EDA: variants seen among roughly 807,000 people sequenced by gnomAD.
EDA encodes ectodysplasin A, also known as ectodysplasin-A.
A neutral mutation model predicts 23.6 loss-of-function variants in EDA; 2 were observed. That is an observed-to-expected ratio of 0.08 (90% CI 0.03 to 0.27). The LOEUF (loss-of-function observed/expected upper bound fraction) is 0.27. EDA is among the 10% of genes least tolerant of loss of function. The probability of loss-of-function intolerance (pLI) is 1.00; values close to 1 mark genes in which losing one functional copy is unlikely to be tolerated. For missense variants in EDA, 229 were observed against 324.2 expected (o/e 0.71, Z 2.26); for synonymous variants, 131 against 132.0 (o/e 0.99, Z 0.05).
chrX:70,027,778 G>A (rs1218474572), intron 3 of EDA, 79 bp from the exon 4 acceptor site: 34 of 515,512 alleles, frequency 6.6e-5, no homozygotes, highest in Non-Finnish European at 1.1e-4. Context: ...AGCCGAGATC[G>A]TGCCACTGAA....
intron 2 of EDA, among the ~76,000 whole-genome samples, chrX:70,005,167 A>G (rs1169086828): frequency 8.9e-6 from 1 of 112,158 alleles, no homozygotes; most frequent in Non-Finnish European, 1.9e-5. Context: ...TTAAATTAAA[A>G]TTTATGAATA....
chrX:69,699,848 T>C (rs944503149), intron 1 of EDA, among the ~76,000 whole-genome samples: 2 of 110,501 alleles, frequency 1.8e-5, no homozygotes, highest in African/African-American at 3.3e-5. Context: ...TTTAGCAGGG[T>C]TTAAAGGCTC....
intron 1 of EDA, among the ~76,000 whole-genome samples, chrX:69,788,573 T>C (rs5936750): frequency 0.38 from 41,771 of 110,592 alleles, 7,095 homozygotes; most frequent in Middle Eastern, 0.64. Flanking sequence ...AGTCTGCCCC[T>C]GCTGGGGGGT....
At chrX:69,792,072 G>A (rs2015420917) in intron 1 of EDA, among the ~76,000 whole-genome samples, 2 of 111,725 alleles carry the variant, frequency 1.8e-5, no homozygotes, top group African/African-American at 3.3e-5. Flanking sequence ...TGAGCAGTGT[G>A]TAGTGTAACC....
intron 1 of EDA, among the ~76,000 whole-genome samples, chrX:69,638,079 T>C (rs188974080): frequency 5.3e-4 from 59 of 111,716 alleles, no homozygotes; most frequent in Non-Finnish European, 1.0e-3. Context: ...ACTTAAAAAA[T>C]GTTTCCATTG....
intron 1 of EDA, among the ~76,000 whole-genome samples, chrX:69,679,768 C>G (rs571866735): frequency 9.0e-6 from 1 of 110,900 alleles, no homozygotes; most frequent in African/African-American, 3.3e-5. Flanking sequence ...TTTCAAAAAC[C>G]CAGCTCCTGG....
chrX:69,740,232 A>G (rs1602354001), intron 1 of EDA, among the ~76,000 whole-genome samples: 2 of 111,291 alleles, frequency 1.8e-5, no homozygotes, highest in East Asian at 5.6e-4. Context: ...TTTACAAAAC[A>G]CTCTGTGTTT....
At chrX:70,027,185 T>C (rs1737358749) in intron 3 of EDA, among the ~76,000 whole-genome samples, 1 of 112,052 alleles carries the variant, frequency 8.9e-6, no homozygotes. Flanking sequence ...AGCTGAAATG[T>C]AACCTCCTTT....
rs542188068 is a variant in EDA, at chrX:69,789,385, A to C, written c.397-167642A>C. On this transcript the variant is annotated intron_variant, in intron 1 of 7. Transcript: ENST00000374552. ...GGTTTTGTTTCTTAGCAGAACCAGA[A>C]GTAGTAGCAGAATAACCTAACAAAA... 6.8e-4 allele frequency among the ~76,000 whole-genome samples: 77 copies of C among 112,664 alleles called. No individual in the cohort carries two copies. In the South Asian group the frequency reaches 7.7e-3, roughly 11 times the overall value.
intron 1 of EDA, among the ~76,000 whole-genome samples, chrX:69,804,862 A>G (rs1461244031): frequency 9.8e-5 from 11 of 112,002 alleles, no homozygotes; most frequent in African/African-American, 3.6e-4. Context: ...ATTGGCAAAC[A>G]AATCTAGAAT....
At chrX:69,774,818 CA>C (rs1403135911) in intron 1 of EDA, among the ~76,000 whole-genome samples, 1 of 111,275 alleles carries the variant, frequency 9.0e-6, no homozygotes, top group Non-Finnish European at 1.9e-5. Flanking sequence ...TCTCTTTGTT[CA>C]TTTTCCAACC....
intron 1 of EDA, among the ~76,000 whole-genome samples, chrX:69,879,992 A>T (rs2090267526): frequency 8.9e-6 from 1 of 112,695 alleles, no homozygotes; most frequent in Non-Finnish European, 1.9e-5. Context: ...AGCAAAGGAA[A>T]AAAATCACTT....
intron 1 of EDA, chrX:69,756,775 A>C (rs1296390895): frequency 1.8e-5 from 2 of 111,920 alleles, no homozygotes; most frequent in South Asian, 7.5e-4. Flanking sequence ...AATGGACTAC[A>C]TTACTACAAT....
At chrX:69,705,728 CA>C (rs779701691) in intron 1 of EDA, among the ~76,000 whole-genome samples, 1 of 112,076 alleles carries the variant, frequency 8.9e-6, no homozygotes, top group Non-Finnish European at 1.9e-5. Context: ...TTGTTAGATT[CA>C]ACCTTTGTTT....
intron 1 of EDA, among the ~76,000 whole-genome samples, chrX:69,911,333 T>G (rs1384312728): frequency 8.9e-6 from 1 of 111,842 alleles, no homozygotes; most frequent in East Asian, 2.8e-4. Flanking sequence ...CACTTTCCAA[T>G]AGCTGTAGAT....
chrX:69,878,051 A>T (rs1397944788), intron 1 of EDA, among the ~76,000 whole-genome samples: 2 of 111,756 alleles, frequency 1.8e-5, no homozygotes. Context: ...CACAGACTTG[A>T]TTCTCTCCTC....
At chrX:69,742,161 C>T (rs1023619840) in intron 1 of EDA, among the ~76,000 whole-genome samples, 1 of 111,754 alleles carries the variant, frequency 8.9e-6, no homozygotes, top group Non-Finnish European at 1.9e-5. Context: ...TATTCTTGGC[C>T]ATCCATGCCT....
At chrX:69,762,572 G>C (rs1367121826) in intron 1 of EDA, among the ~76,000 whole-genome samples, 1 of 111,931 alleles carries the variant, frequency 8.9e-6, no homozygotes, top group Non-Finnish European at 1.9e-5. Context: ...CAGATGTGTG[G>C]ACTGTGGCCC....
chrX:69,822,994 A>T (rs1396953295), intron 1 of EDA, among the ~76,000 whole-genome samples: 1 of 99,403 alleles, frequency 1.0e-5, no homozygotes, highest in Admixed American at 1.1e-4. Context: ...ATGATTTCCA[A>T]TTTCATCCAA....
Sources: allele counts gnomAD v4.1 joint callset (sites outside exome capture counted in the v4.1 genomes callset), GRCh38; gene constraint gnomAD v4.1.1; transcripts MANE v1.5; gene names NCBI Gene and HGNC (gene_info 2026-07-23, HGNC 2026-07-21).